The following MYH9 variants were observed in gnomAD, a reference collection of about 807,000 sequenced individuals.
MYH9 encodes the protein myosin heavy chain 9, also known as myosin-9.
Under a neutral mutation model 241.9 loss-of-function variants are expected in MYH9, and 29 were observed. The observed-to-expected ratio is 0.12, with a 90% confidence interval of 0.09 to 0.16. The LOEUF is 0.16. Ranked by LOEUF, MYH9 falls within the 10% of genes least tolerant of loss-of-function variation. The probability of loss-of-function intolerance (pLI) is 1.00; values close to 1 mark genes in which losing one functional copy is unlikely to be tolerated. For missense variants in MYH9, 1,803 were observed against 2,595.5 expected, an observed-to-expected ratio of 0.69 and a Z score of 6.63; for synonymous variants, 1,047 against 1,062.6, an observed-to-expected ratio of 0.99 and a Z score of 0.29.
rs1425138671 is a variant in MYH9, at chr22:36,326,611, T to C, written c.569A>G (p.Tyr190Cys). 3.1e-6 allele frequency: 5 copies of C among 1,614,118 alleles called. No individual in the cohort carries two copies. The Admixed American group carries it at 5.0e-5, about 16-fold the overall frequency. The change falls in exon 5 of 41, where the codon TAT becomes TGT. Residue 190 changes from tyrosine (Y) to cysteine (C), a missense_variant. This residue lies in a region of MYH9 where 222 missense variants were observed against 359.9 expected (regional missense o/e 0.62). Transcript: ENST00000216181. ...GTGCGAGGACGCCACGTACGCCAGA[T>C]ACTGGATGACCTTCTTGGTGTTCTC... is the stretch of plus-strand genomic sequence containing the variant. ...KTENTKKVIQYLAYVASSHKS... is the reference protein window; with the variant it reads ...KTENTKKVIQCLAYVASSHKS...
chr22:36,301,128 G>T, intron 21 of MYH9, 71 bp from the exon 22 acceptor site: 2 of 1,445,508 alleles, frequency 1.4e-6, no homozygotes, highest in Non-Finnish European at 1.9e-6. Flanking sequence ...AAGGACGGAC[G>T]CCATGGCTCG....
intron 30 of MYH9, among the ~76,000 whole-genome samples, 186 bp from the exon 31 acceptor site, chr22:36,292,420 C>T (rs922507183): frequency 2.6e-5 from 4 of 152,224 alleles, no homozygotes; most frequent in African/African-American, 9.6e-5. Flanking sequence ...GGAGCTTCTG[C>T]AAAGGGGCAT....
chr22:36,309,273 A>C lies in MYH9; in HGVS notation c.1843+9T>G, dbSNP rs1163728719. On this transcript the variant is annotated intron_variant, in intron 15 of 40. Coordinates refer to ENST00000216181, the MANE Select transcript of MYH9 (RefSeq NM_002473.6). ...AGAGGAGGCAGGGGGCGAAGGGCAA[A>C]GGGCGTACCATCCTTCCACAGCTCC... The C allele has an allele frequency of 1.2e-6, 2 of 1,611,802 alleles. No homozygotes were observed. Among genetic ancestry groups the C allele is most frequent in the Non-Finnish European group, 1.7e-6 (2 of 1,177,996 alleles).
chr22:36,329,430 G>A lies in MYH9; in HGVS notation c.491-1942C>T, dbSNP rs1028020014. Among the ~76,000 whole-genome samples, 3 of 152,144 alleles carry A rather than the reference G, an allele frequency of 2.0e-5. No individual in the cohort carries two copies. The highest frequency in any genetic ancestry group is 4.4e-5 in the Non-Finnish European group (3 of 68,020). On this transcript the variant is annotated intron_variant, in intron 3 of 40. Coordinates refer to ENST00000216181, the MANE Select transcript of MYH9 (RefSeq NM_002473.6). This position sits in a 1 kb window ranked among gnomAD's most constrained non-coding sequence, Gnocchi z 4.1. ...CATTGCTGGCCCCTAACGACAGTGT[G>A]GCAACCGATAAGGGTTTGGAACAAA...
chr22:36,348,931 C>T lies in MYH9; in HGVS notation c.306G>A (p.Lys102=), dbSNP rs2017723857. Residue 102 remains lysine (K), a synonymous_variant, in exon 2 of 41, where the codon AAG becomes AAA. Transcript: ENST00000216181. ...AGATGAGCCCTGAGTAGTAACGCTC[C>T]TTGAGGTTGTGCAGCACCGAGGCTT... ...LNEASVLHNL[K]ERYYSGLIYT... 2 of 1,611,484 alleles carry T rather than the reference C, an allele frequency of 1.2e-6. No homozygotes were observed. Among genetic ancestry groups the T allele is most frequent in the African/African-American group, 2.7e-5 (2 of 74,820 alleles).
At chr22:36,308,708 CAAGGCAAG>C (rs1400019633) in intron 15 of MYH9, 16 of 581,946 alleles carry the variant, frequency 2.7e-5, no homozygotes, top group Non-Finnish European at 3.2e-5. Flanking sequence ...CAGGAAAAGC[CAAGGCAAG>C]GGGGGGCGCG....
At chr22:36,287,587 C>T (rs1377289479) in intron 34 of MYH9, among the ~76,000 whole-genome samples, 1 of 152,054 alleles carries the variant, frequency 6.6e-6, no homozygotes, top group Non-Finnish European at 1.5e-5. Flanking sequence ...ACTAAAAATA[C>T]AAAAATTAGC....
chr22:36,326,438 G>A, intron 5 of MYH9, 130 bp downstream of exon 5: 2 of 907,034 alleles, frequency 2.2e-6, no homozygotes, highest in Non-Finnish European at 1.8e-6. Flanking sequence ...AATGGAAATG[G>A]GCCCAGCCTC....
At chr22:36,352,426 C>T (rs376255408) in intron 1 of MYH9, among the ~76,000 whole-genome samples, 1 of 152,208 alleles carries the variant, frequency 6.6e-6, no homozygotes, top group Non-Finnish European at 1.5e-5. Flanking sequence ...AACGCTGCTT[C>T]GCCCCAGCAA....
At chr22:36,353,522 G>C (rs187033409) in intron 1 of MYH9, among the ~76,000 whole-genome samples, 1 of 151,952 alleles carries the variant, frequency 6.6e-6, no homozygotes, top group Admixed American at 6.6e-5. Flanking sequence ...CACCACAGCC[G>C]GCTAATTTTT....
intron 3 of MYH9, among the ~76,000 whole-genome samples, chr22:36,335,482 G>A (rs905665331): frequency 3.3e-5 from 5 of 152,172 alleles, no homozygotes; most frequent in African/African-American, 9.7e-5. Flanking sequence ...CTTCCATGGC[G>A]CTCCTTCCTC....
At chr22:36,297,038 T>C (rs371495257) in intron 24 of MYH9, 24 bp from the exon 25 acceptor site, 1 of 1,612,490 alleles carries the variant, frequency 6.2e-7, no homozygotes, top group South Asian at 1.1e-5. Flanking sequence ...GGAGCCCACA[T>C]AGCCCTCAGT....
At chr22:36,309,676 G>A (rs1337770655) in intron 14 of MYH9, among the ~76,000 whole-genome samples, 6 of 152,228 alleles carry the variant, frequency 3.9e-5, no homozygotes, top group East Asian at 1.9e-4. Context: ...ACACAGTACC[G>A]TGCTGGGTTT....
chr22:36,358,880 C>A (rs570313326), intron 1 of MYH9, among the ~76,000 whole-genome samples: 1 of 152,342 alleles, frequency 6.6e-6, no homozygotes, highest in South Asian at 2.1e-4. Context: ...CACACCTTCA[C>A]CAGAATAAAA....
chr22:36,383,073 T>C (rs2018284661), intron 1 of MYH9, among the ~76,000 whole-genome samples: 1 of 151,692 alleles, frequency 6.6e-6, no homozygotes, highest in Non-Finnish European at 1.5e-5. Flanking sequence ...ACACAAAAAT[T>C]AGCCAGGTGT....
At chr22:36,283,578 CATAAGAAAAAAACAT>C (rs2016528763) in intron 40 of MYH9, among the ~76,000 whole-genome samples, 1 of 147,610 alleles carries the variant, frequency 6.8e-6, no homozygotes, top group Non-Finnish European at 1.5e-5. Flanking sequence ...CACGTAAACA[CATAAGAAAAAAACAT>C]GTAAGAAATG....
chr22:36,372,859 G>A (rs1370055744), intron 1 of MYH9, among the ~76,000 whole-genome samples: 1 of 152,148 alleles, frequency 6.6e-6, no homozygotes, highest in East Asian at 1.9e-4. Context: ...TCAGGTCAGC[G>A]GGACTTGAGT....
chr22:36,289,272 G>C lies in MYH9; in HGVS notation c.4370C>G (p.Ser1457Cys). The part of the protein sequence containing the change: ...DQLLAEEKTI[S>C]AKYAEERDRA... ...GTCGCGCTCCTCTGCATACTTGGCA[G>C]AGATGGTCTTCTCCTCCGCCAGGAG... The change falls in exon 32 of 41, where the codon TCT (serine) becomes TGT (cysteine). Residue 1457 changes from serine (S) to cysteine (C), a missense_variant. Around this residue, in one of 11 missense-constraint regions of MYH9, gnomAD observed 876 missense variants for 1,077.8 expected, o/e 0.81. Transcript: ENST00000216181. 3 of 1,612,264 alleles carry C rather than the reference G, an allele frequency of 1.9e-6. No individual in the cohort carries two copies. The highest frequency in any genetic ancestry group is 2.5e-6 in the Non-Finnish European group (3 of 1,179,824).
intron 25 of MYH9, among the ~76,000 whole-genome samples, chr22:36,296,286 G>A (rs1261499751): frequency 6.6e-6 from 1 of 152,134 alleles, no homozygotes; most frequent in Admixed American, 6.5e-5. Flanking sequence ...CTAGGCTGGA[G>A]TGCAATGGCA....
Sources: allele counts gnomAD v4.1 joint callset (sites outside exome capture counted in the v4.1 genomes callset), GRCh38; gene constraint gnomAD v4.1.1; regional missense constraint gnomAD v4.1.1; non-coding constraint Gnocchi (gnomAD v3.1); transcripts MANE v1.5; gene names NCBI Gene and HGNC (gene_info 2026-07-23, HGNC 2026-07-21).